The following ROBO3 variants were observed in gnomAD, a reference collection of about 807,000 sequenced individuals.
ROBO3 encodes the protein roundabout homolog 3.
In ROBO3, 97 loss-of-function variants were observed where a neutral mutation model predicts 160.5. The observed-to-expected ratio is 0.60, with a 90% CI of 0.51 to 0.72. The LOEUF (loss-of-function observed/expected upper bound fraction) is 0.72. Among genes scored for constraint, ROBO3 ranks in the 30% least tolerant of loss-of-function variants. The pLI is 0.00. For synonymous variants in ROBO3, 780 were observed against 746.2 expected, an observed-to-expected ratio of 1.05 and a Z score of -0.74; for missense variants, 1,858 against 1,846.5, an observed-to-expected ratio of 1.01 and a Z score of -0.11.
chr11:124,869,868 T>C lies in ROBO3; in HGVS notation c.646-80T>C, dbSNP rs902991691. 16 of 1,505,754 alleles carry C rather than the reference T, an allele frequency of 1.1e-5. No homozygotes were observed. The highest frequency in any genetic ancestry group is 2.4e-5 in the South Asian group (2 of 82,908). 93.3% of individuals were successfully genotyped at this position (1,505,754 alleles called of 1,614,324 possible). ...GAGGATCAAATAAACTTTATACATATGTATATACACATATATTCACCATAT... is the reference window on the plus strand; with the variant it reads ...GAGGATCAAATAAACTTTATACATACGTATATACACATATATTCACCATAT... On this transcript the variant is annotated intron_variant, in intron 3 of 27. Coordinates refer to ENST00000397801, the MANE Select transcript of ROBO3 (RefSeq NM_022370.4). The surrounding 1 kb of genome is among the most constrained non-coding windows in gnomAD (Gnocchi z 4.2).
At position 124,873,236 on chromosome 11, in the gene ROBO3, C is replaced by A; in HGVS notation, c.1537-74C>A. On this transcript the variant is annotated intron_variant, in intron 9 of 27. Transcript: ENST00000397801. The surrounding 1 kb of genome is among the most constrained non-coding windows in gnomAD (Gnocchi z 4.5). ...TAGTATCCAACATCTTCCCATCCTTCTGCTACCCGCCTCCACCCCCTCACT... is the reference window on the plus strand; with the variant it reads ...TAGTATCCAACATCTTCCCATCCTTATGCTACCCGCCTCCACCCCCTCACT... 6.9e-7 allele frequency: 1 copy of A among 1,459,078 alleles called. No homozygotes were observed. The highest frequency in any genetic ancestry group is 9.4e-7 in the Non-Finnish European group (1 of 1,060,944). The allele number at this position is 1,459,078 out of a possible 1,614,324, so 90.4% of individuals were successfully genotyped here.
rs1264614080 is a variant in ROBO3 at position 124,878,043 on chromosome 11, C to T, written c.3093C>T (p.Thr1031=). Residue 1031 remains threonine, a synonymous_variant, in exon 21 of 28, where the codon ACC becomes ACT. Coordinates refer to ENST00000397801, the MANE Select transcript of ROBO3 (RefSeq NM_022370.4). The surrounding 1 kb of genome is among the most constrained non-coding windows in gnomAD (Gnocchi z 4.3). ...TIDPAGEELQ[T]FHGGFPQHPS... is the part of the protein sequence containing the mutation. ...ACCCAGCGGGGGAGGAGCTGCAGAC[C>T]TTCCATGGGGGCTTCCCCCAACATC... 5 of 1,612,596 alleles carry T rather than the reference C, an allele frequency of 3.1e-6. No homozygotes were observed. The highest frequency in any genetic ancestry group is 4.2e-6 in the Non-Finnish European group (5 of 1,179,450).
At position 124,865,835 on chromosome 11, in the gene ROBO3, G is replaced by C. The variant is rs1437528614; in HGVS notation, c.160+98G>C. ...GAGAAGCGCTCCTGTCCCGAGGTCCGGGATTGAGTGGCGCCTCCCAGCGCC... is the reference window on the plus strand; with the variant it reads ...GAGAAGCGCTCCTGTCCCGAGGTCCCGGATTGAGTGGCGCCTCCCAGCGCC... On this transcript the variant is annotated intron_variant, in intron 1 of 27. Coordinates refer to ENST00000397801, the MANE Select transcript of ROBO3 (RefSeq NM_022370.4). This position sits in a 1 kb window ranked among gnomAD's most constrained non-coding sequence, Gnocchi z 5.5. 1.5e-6 allele frequency: 2 copies of C among 1,334,760 alleles called. No individual in the cohort carries two copies. Among genetic ancestry groups the C allele is most frequent in the Non-Finnish European group, 2.0e-6 (2 of 995,212 alleles). 82.7% of individuals were successfully genotyped at this position (1,334,760 alleles called of 1,614,324 possible). A position where few individuals can be genotyped will look rare whatever the true frequency, so the allele number is the denominator to read the frequency against.
At position 124,875,571 on chromosome 11, in the gene ROBO3, T is replaced by C. The variant is rs1394469104; in HGVS notation, c.2307T>C (p.Ser769=). 1.9e-6 allele frequency: 3 copies of C among 1,611,560 alleles called. No individual in the cohort carries two copies. The highest frequency in any genetic ancestry group is 2.7e-5 in the African/African-American group (2 of 74,720). ...VTRSIPEEAP[S]GPPQGVAVAL... The stretch of plus-strand genomic sequence containing the variant: ...TGCTCCACCCTGGCCCAGCCCCCAG[T>C]GGCCCCCCACAGGGAGTGGCGGTGG... Residue 769 remains serine, a synonymous_variant, in exon 15 of 28, where the codon AGT becomes AGC. Transcript: ENST00000397801.
chr11:124,874,137 G>A lies in ROBO3; in HGVS notation c.1852G>A (p.Gly618Ser), dbSNP rs74787566. 1.2e-3 allele frequency: 1,968 copies of A among 1,613,942 alleles called. 41 individuals carry two copies. The East Asian group carries it at 0.037, about 30-fold the overall frequency. The change falls in exon 12 of 28, where the codon GGT (glycine) becomes AGT (serine). Residue 618 changes from glycine (G) to serine (S), a missense_variant. By Grantham distance (56) the Gly-to-Ser change is moderately conservative (BLOSUM62 0). Coordinates refer to ENST00000397801, the MANE Select transcript of ROBO3 (RefSeq NM_022370.4). ...GCAGCTGGAGACACACACAGTCAGC[G>A]GTCTGCAGCCCAATACCATCTACCT... ...GVQLETHTVS[G>S]LQPNTIYLFL...
At position 124,875,556 on chromosome 11, in the gene ROBO3, T is replaced by C; in HGVS notation, c.2300-8T>C. The C allele has an allele frequency of 1.2e-6, 2 of 1,611,422 alleles. No homozygotes were observed. Among genetic ancestry groups the C allele is most frequent in the South Asian group, 2.2e-5 (2 of 90,748 alleles). On this transcript the variant is annotated splice_region_variant and splice_polypyrimidine_tract_variant and intron_variant, in intron 14 of 27. Transcript: ENST00000397801. The stretch of plus-strand genomic sequence containing the variant: ...GTGTCCTTCTCACCATGCTCCACCC[T>C]GGCCCAGCCCCCAGTGGCCCCCCAC...
intron 12 of ROBO3, 49 bp from the exon 13 acceptor site, chr11:124,874,739 A>G (rs1351316201): frequency 8.3e-6 from 13 of 1,571,514 alleles, no homozygotes; most frequent in Admixed American, 1.8e-5. Context: ...TCTCAGCCCT[A>G]TCTCCCTGTC....
rs747223437 is a variant in ROBO3, at chr11:124,870,000, T to A, written c.698T>A (p.Met233Lys). Residue 233 changes from methionine (M) to lysine (K), a missense_variant, in exon 4 of 28, where the codon ATG (methionine) becomes AAG (lysine). By Grantham distance (95) the Met-to-Lys change is moderately conservative (BLOSUM62 -1). Transcript: ENST00000397801. This position sits in a 1 kb window ranked among gnomAD's most constrained non-coding sequence, Gnocchi z 4.2. ...CATACACTCAAGAGCGATGCAGGCA[T>A]GTATGTGTGCGTAGCCTCCAACATG... ...MSHTLKSDAG[M>K]YVCVASNMAG... 1.9e-6 allele frequency: 3 copies of A among 1,613,788 alleles called. No homozygotes were observed. Among genetic ancestry groups the A allele is most frequent in the African/African-American group, 1.3e-5 (1 of 74,918 alleles).
intron 1 of ROBO3, among the ~76,000 whole-genome samples, chr11:124,868,118 C>G (rs1187810459): frequency 1.3e-5 from 2 of 152,134 alleles, no homozygotes; most frequent in East Asian, 3.9e-4. Context: ...GGAAAAGGAG[C>G]CTTACTAACA....
rs763884077 is a variant in ROBO3, at chr11:124,865,539, G to C, written c.-39G>C. 6.3e-7 allele frequency: 1 copy of C among 1,599,956 alleles called. No individual in the cohort carries two copies. The highest frequency in any genetic ancestry group is 1.3e-5 in the African/African-American group (1 of 74,742). The stretch of plus-strand genomic sequence containing the variant: ...CACGGGTCTCAGACCCAGGGGCTGG[G>C]CCCCCAGCCCCCAGTCCCGATCCCA... On this transcript the variant is annotated 5_prime_UTR_variant, in exon 1 of 28. Coordinates refer to ENST00000397801, the MANE Select transcript of ROBO3 (RefSeq NM_022370.4). The surrounding 1 kb of genome is among the most constrained non-coding windows in gnomAD (Gnocchi z 5.5).
Position 124,873,787 on chromosome 11 carries a change from A to T in ROBO3, c.1709A>T (p.Asn570Ile), listed in dbSNP as rs773483594. The stretch of plus-strand genomic sequence containing the variant: ...CCAGTGGTCACTGAGATCACCAAGA[A>T]CAGCATTACCCTGACCTGGAAGCCC... ...SQPVVTEITK[N>I]SITLTWKPNP... Residue 570 changes from asparagine (N) to isoleucine (I), a missense_variant, in exon 11 of 28, where the codon AAC (asparagine) becomes ATC (isoleucine). Coordinates refer to ENST00000397801, the MANE Select transcript of ROBO3 (RefSeq NM_022370.4). The surrounding 1 kb of genome is among the most constrained non-coding windows in gnomAD (Gnocchi z 4.5). 5 of 1,613,940 alleles carry T rather than the reference A, an allele frequency of 3.1e-6. No individual in the cohort carries two copies. Among genetic ancestry groups the T allele is most frequent in the Middle Eastern group, 3.3e-4 (2 of 6,060 alleles).
At chr11:124,881,195 TG>T in intron 27 of ROBO3, 43 bp from the exon 28 acceptor site, 1 of 1,591,926 alleles carries the variant, frequency 6.3e-7, no homozygotes, top group East Asian at 2.3e-5. Context: ...TTGTTTGCCC[TG>T]GGCCAGGGTT....
In ROBO3 at chr11:124,874,245, A is replaced by G; in HGVS notation, c.1951+9A>G. On this transcript the variant is annotated intron_variant, in intron 12 of 27. Transcript: ENST00000397801. Reference sequence around the variant, plus strand: ...GCCTGTCCGTACACAGGGTAAGGTCAGAGTCCCTGGGCTCATGAGCATGAA... The same window carrying G: ...GCCTGTCCGTACACAGGGTAAGGTCGGAGTCCCTGGGCTCATGAGCATGAA... 1.9e-6 allele frequency: 3 copies of G among 1,607,528 alleles called. No individual in the cohort carries two copies. The highest frequency in any genetic ancestry group is 2.6e-6 in the Non-Finnish European group (3 of 1,175,300).
At position 124,877,173 on chromosome 11, in the gene ROBO3, A is replaced by T; in HGVS notation, c.2792A>T (p.Tyr931Phe). 6.2e-7 allele frequency: 1 copy of T among 1,613,794 alleles called. No individual in the cohort carries two copies. The highest frequency in any genetic ancestry group is 8.5e-7 in the Non-Finnish European group (1 of 1,179,832). The change falls in exon 18 of 28, where the codon TAC (tyrosine) becomes TTC (phenylalanine). Residue 931 changes from tyrosine (Y) to phenylalanine (F), a missense_variant. Transcript: ENST00000397801. The stretch of plus-strand genomic sequence containing the variant: ...TCCTTTCTGGAAGCCTCTTTTGCCT[A>T]CACACCGGCAGGTAAGCCATCTCTG... ...ELSHYTASFAYTPAVSFPHSE... is the reference protein window; with the variant it reads ...ELSHYTASFAFTPAVSFPHSE...
At chr11:124,870,353 T>C (rs200741309) in intron 5 of ROBO3, 50 bp downstream of exon 5, 86 of 1,577,216 alleles carry the variant, frequency 5.5e-5, no homozygotes, top group Non-Finnish European at 7.4e-5. Context: ...ATCAAGAGAC[T>C]ATTCTGCCCT....
rs776381333 is a variant in ROBO3 at position 124,870,165 on chromosome 11, A to G, written c.767A>G (p.Glu256Gly). 5.0e-6 allele frequency: 8 copies of G among 1,613,980 alleles called. No individual in the cohort carries two copies. The highest frequency in any genetic ancestry group is 6.8e-6 in the Non-Finnish European group (8 of 1,179,880). Residue 256 changes from glutamate to glycine, a missense_variant and splice_region_variant, in exon 5 of 28, where the codon GAG becomes GGG. Physicochemically the swap from Glu to Gly is moderately conservative, Grantham distance 98. Coordinates refer to ENST00000397801, the MANE Select transcript of ROBO3 (RefSeq NM_022370.4). ...ESAAAEVMVLERPSFLRRPVN... is the reference protein window; with the variant it reads ...ESAAAEVMVLGRPSFLRRPVN... Reference sequence around the variant, plus strand: ...CTGTTCACTCACTACCACTCCATAGAGCGTCCCTCATTCCTGCGCAGACCA... The same window carrying G: ...CTGTTCACTCACTACCACTCCATAGGGCGTCCCTCATTCCTGCGCAGACCA...
In ROBO3 at chr11:124,869,545, G is replaced by C; in HGVS notation, c.583G>C (p.Glu195Gln). 2 of 1,555,286 alleles carry C rather than the reference G, an allele frequency of 1.3e-6. No individual in the cohort carries two copies. Among genetic ancestry groups the C allele is most frequent in the South Asian group, 1.2e-5 (1 of 84,628 alleles). The change falls in exon 3 of 28, where the codon GAG becomes CAG. Residue 195 changes from glutamate (E) to glutamine (Q), a missense_variant. Glu to Gln is a conservative substitution (Grantham distance 29). Coordinates refer to ENST00000397801, the MANE Select transcript of ROBO3 (RefSeq NM_022370.4). This position sits in a 1 kb window ranked among gnomAD's most constrained non-coding sequence, Gnocchi z 4.2. ...LECVPPRGHPEPSVSWRKDGA... is the reference protein window; with the variant it reads ...LECVPPRGHPQPSVSWRKDGA... ...ATGCGTGCCCCCCCGCGGCCACCCG[G>C]AGCCTTCCGTGTCCTGGAGGAAGGA... is the stretch of plus-strand genomic sequence containing the variant.
At chr11:124,880,757 T>A in intron 27 of ROBO3, 149 bp downstream of exon 27, 1 of 1,250,680 alleles carries the variant, frequency 8.0e-7, no homozygotes, top group Non-Finnish European at 1.1e-6. Context: ...AGGAATCCTG[T>A]AGAAGTGACA....
In ROBO3 at chr11:124,880,483, TC is replaced by T; in HGVS notation, c.4026del (p.Thr1343ArgfsTer76). On this transcript the variant is annotated frameshift_variant, in exon 27 of 28. Coordinates refer to ENST00000397801, the MANE Select transcript of ROBO3 (RefSeq NM_022370.4). LOFTEE classifies it high-confidence loss of function. ...LSRGQGTSTC[S>X]TAGSNSSRGS... Reference sequence around the variant, plus strand: ...CCGGGGCCAGGGCACCAGCACATGTTCCACGGCCGGCAGCAACTCTTCCAGG... The same window carrying T: ...CCGGGGCCAGGGCACCAGCACATGTTCACGGCCGGCAGCAACTCTTCCAGG... The T allele has an allele frequency of 6.2e-7, 1 of 1,607,016 alleles. No individual in the cohort carries two copies. Among genetic ancestry groups the T allele is most frequent in the Admixed American group, 1.7e-5 (1 of 59,400 alleles).
Sources: gnomAD v4.1 joint callset for allele counts (sites outside exome capture counted in the v4.1 genomes callset) on GRCh38, gnomAD v4.1.1 for gene constraint, Gnocchi (gnomAD v3.1) non-coding constraint, MANE v1.5 for transcripts, NCBI Gene and HGNC (gene_info 2026-07-23, HGNC 2026-07-21) for gene names.